SFRP1: variants seen among roughly 807,000 people sequenced by gnomAD.
The protein encoded by SFRP1 is secreted frizzled related protein 1.
A neutral mutation model predicts 25.9 loss-of-function variants in SFRP1; 9 were observed. The ratio of observed to expected loss-of-function variants is 0.35; its 90% confidence interval spans 0.21 to 0.61. The LOEUF (loss-of-function observed/expected upper bound fraction) is 0.61. SFRP1 is among the 20% of genes least tolerant of loss of function. The probability of loss-of-function intolerance (pLI) is 0.78; values close to 1 mark genes in which losing one functional copy is unlikely to be tolerated. For synonymous variants in SFRP1, 178 were observed against 174.0 expected, an observed-to-expected ratio of 1.02 and a Z score of -0.18; for missense variants, 346 against 418.2, an observed-to-expected ratio of 0.83 and a Z score of 1.51.
At chr8:41,303,084 G>A (rs372920738) in intron 2 of SFRP1, among the ~76,000 whole-genome samples, 52 of 149,464 alleles carry the variant, frequency 3.5e-4, no homozygotes, top group Middle Eastern at 3.5e-3. Context: ...GAGCCAGTCC[G>A]GAAAAAACCG....
intron 2 of SFRP1, among the ~76,000 whole-genome samples, chr8:41,295,204 T>C (rs1428301134): frequency 6.6e-6 from 1 of 151,880 alleles, no homozygotes; most frequent in Non-Finnish European, 1.5e-5. Flanking sequence ...CTACTAAAAA[T>C]ACAAAAATTA....
In SFRP1 at chr8:41,303,452, C is replaced by T; in HGVS notation, c.622+9G>A. The T allele has an allele frequency of 6.2e-7, 1 of 1,612,266 alleles. No individual in the cohort carries two copies. Among genetic ancestry groups the T allele is most frequent in the Non-Finnish European group, 8.5e-7 (1 of 1,178,520 alleles). On this transcript the variant is annotated intron_variant, in intron 2 of 2. Coordinates refer to ENST00000220772, the MANE Select transcript of SFRP1 (RefSeq NM_003012.5). Reference sequence around the variant, plus strand: ...AACCTTCCAGAGGCAGCTAGAAACGCTTTCTTACCAAACTCGCTGGCACAG... The same window carrying T: ...AACCTTCCAGAGGCAGCTAGAAACGTTTTCTTACCAAACTCGCTGGCACAG...
intron 2 of SFRP1, among the ~76,000 whole-genome samples, chr8:41,290,088 C>T (rs951586745): frequency 6.6e-6 from 1 of 152,236 alleles, no homozygotes; most frequent in Admixed American, 6.5e-5. Context: ...CACACACTAC[C>T]CACATCTGTC....
chr8:41,263,163 CTT>C lies in SFRP1; in HGVS notation c.*2002_*2003del, dbSNP rs375614708. 1.3e-5 allele frequency: 2 copies of C among 152,774 alleles called. No homozygotes were observed. The highest frequency in any genetic ancestry group is 1.9e-4 in the East Asian group (1 of 5,182). The allele number at this position is 152,774 out of a possible 1,614,324, so 9.5% of individuals were successfully genotyped here. On this transcript the variant is annotated 3_prime_UTR_variant, in exon 3 of 3. Coordinates refer to ENST00000220772, the MANE Select transcript of SFRP1 (RefSeq NM_003012.5). The stretch of plus-strand genomic sequence containing the variant: ...AGCAGATACGTATGAGCACTGAACT[CTT>C]GAGTGAATCAACCAGAACTAAGACC...
At position 41,263,451 on chromosome 8, in the gene SFRP1, C is replaced by T. The variant is rs1363692903; in HGVS notation, c.*1716G>A. On this transcript the variant is annotated 3_prime_UTR_variant, in exon 3 of 3. Coordinates refer to ENST00000220772, the MANE Select transcript of SFRP1 (RefSeq NM_003012.5). ...GTAACTAGGCGGGCATGCTGATTTT[C>T]ATACTGGAGTCTTCAAGAGTTAACA... The T allele has an allele frequency of 3.9e-5, 6 of 152,182 alleles. No individual in the cohort carries two copies. Among genetic ancestry groups the T allele is most frequent in the African/African-American group, 1.4e-4 (6 of 41,446 alleles). The allele number at this position is 152,182 out of a possible 1,614,324, so 9.4% of individuals were successfully genotyped here. A position where few individuals can be genotyped will look rare whatever the true frequency, so the allele number is the denominator to read the frequency against.
intron 2 of SFRP1, among the ~76,000 whole-genome samples, chr8:41,280,146 A>C (rs4736802): frequency 2.6e-5 from 4 of 152,042 alleles, no homozygotes; most frequent in Non-Finnish European, 5.9e-5. Flanking sequence ...AGTCCAGGGG[A>C]GTGCAGGGGG....
rs776013504 is a variant in SFRP1, at chr8:41,306,878, G to A, written c.544+1738C>T. 1.8e-5 allele frequency: 29 copies of A among 1,594,938 alleles called. No homozygotes were observed. The Admixed American group carries it at 2.5e-4, about 14-fold the overall frequency. On this transcript the variant is annotated intron_variant, in intron 1 of 2. Transcript: ENST00000220772. ...CCCATCACAGCCTTTTGGGGGCTGGGGTGAGGGATTCTTTCCTCTCTTCTT... is the reference window on the plus strand; with the variant it reads ...CCCATCACAGCCTTTTGGGGGCTGGAGTGAGGGATTCTTTCCTCTCTTCTT...
chr8:41,299,087 C>T lies in SFRP1; in HGVS notation c.622+4374G>A, dbSNP rs371324979. 3.4e-3 allele frequency among the ~76,000 whole-genome samples: 514 copies of T among 152,142 alleles called. 3 individuals carry two copies. Among genetic ancestry groups the T allele is most frequent in the African/African-American group, 0.012 (497 of 41,480 alleles). On this transcript the variant is annotated intron_variant, in intron 2 of 2. Transcript: ENST00000220772. ...ACTGGCTCGGCCTCCATCTCTTCACCGCCTACCCCCCCAACCCCCCACCTC... is the reference window on the plus strand; with the variant it reads ...ACTGGCTCGGCCTCCATCTCTTCACTGCCTACCCCCCCAACCCCCCACCTC...
At chr8:41,304,110 G>A (rs1000132818) in intron 1 of SFRP1, among the ~76,000 whole-genome samples, 2 of 151,988 alleles carry the variant, frequency 1.3e-5, no homozygotes, top group African/African-American at 4.8e-5. Flanking sequence ...AGGCGGGCGG[G>A]GTGGGGCACT....
chr8:41,304,142 G>A (rs893421935), intron 1 of SFRP1, among the ~76,000 whole-genome samples: 1 of 152,108 alleles, frequency 6.6e-6, no homozygotes, highest in Non-Finnish European at 1.5e-5. Context: ...CCAAATGGGA[G>A]GACAGGGCTG....
intron 2 of SFRP1, among the ~76,000 whole-genome samples, chr8:41,284,822 T>C (rs1803678379): frequency 6.6e-6 from 1 of 152,230 alleles, no homozygotes; most frequent in Admixed American, 6.5e-5. Flanking sequence ...TAACATGGCC[T>C]GCCATCATGG....
chr8:41,284,025 C>T (rs1313001431), intron 2 of SFRP1, among the ~76,000 whole-genome samples: 1 of 152,162 alleles, frequency 6.6e-6, no homozygotes, highest in Non-Finnish European at 1.5e-5. Flanking sequence ...CCTACAGCTC[C>T]CACCAGCATT....
Position 41,265,179 on chromosome 8 carries a change from G to T in SFRP1, c.933C>A (p.Ser311=), listed in dbSNP as rs374221535. ...GCCCCCGGGAGAATCACTTAAACAC[G>T]GACTGAAAGGTGGGGCACTCATGGT... is the stretch of plus-strand genomic sequence containing the variant. ...MKNHECPTFQ[S]VFK The change falls in exon 3 of 3, where the codon TCC becomes TCA. Residue 311 remains serine, a synonymous_variant. Coordinates refer to ENST00000220772, the MANE Select transcript of SFRP1 (RefSeq NM_003012.5). 3.2e-6 allele frequency: 4 copies of T among 1,237,284 alleles called. No homozygotes were observed. In the South Asian group the frequency reaches 4.0e-5, roughly 12 times the overall value. The allele number at this position is 1,237,284 out of a possible 1,614,324, so 76.6% of individuals were successfully genotyped here. A position where few individuals can be genotyped will look rare whatever the true frequency, so the allele number is the denominator to read the frequency against.
At chr8:41,306,736 G>A in intron 1 of SFRP1, 1 of 1,598,004 alleles carries the variant, frequency 6.3e-7, no homozygotes, top group Non-Finnish European at 8.5e-7. Context: ...GCGCTGCTGG[G>A]AGGAGTGGAG....
intron 2 of SFRP1, among the ~76,000 whole-genome samples, chr8:41,268,818 G>A (rs1008860059): frequency 6.6e-5 from 10 of 152,184 alleles, no homozygotes; most frequent in Non-Finnish European, 1.0e-4. Context: ...AGAGCAGCCC[G>A]GAACTGATCA....
At chr8:41,302,437 A>G (rs891493702) in intron 2 of SFRP1, among the ~76,000 whole-genome samples, 1 of 152,216 alleles carries the variant, frequency 6.6e-6, no homozygotes, top group African/African-American at 2.4e-5. Context: ...CGATTAATGA[A>G]AACATGGACT....
rs1803405579 is a variant in SFRP1, at chr8:41,264,120, T to G, written c.*1047A>C. On this transcript the variant is annotated 3_prime_UTR_variant, in exon 3 of 3. Coordinates refer to ENST00000220772, the MANE Select transcript of SFRP1 (RefSeq NM_003012.5). The stretch of plus-strand genomic sequence containing the variant: ...CCTCTGGGAAGCAGCCTCGGACGGA[T>G]CAGGAGACCTTGTTCTAGCACACCT... 1 of 152,210 alleles carries G rather than the reference T, an allele frequency of 6.6e-6. No individual in the cohort carries two copies. The highest frequency in any genetic ancestry group is 1.5e-5 in the Non-Finnish European group (1 of 68,042). 9.4% of individuals were successfully genotyped at this position (152,210 alleles called of 1,614,324 possible).
At chr8:41,288,673 CTG>C (rs1201912660) in intron 2 of SFRP1, among the ~76,000 whole-genome samples, 1 of 150,702 alleles carries the variant, frequency 6.6e-6, no homozygotes, top group Non-Finnish European at 1.5e-5. Flanking sequence ...AATGAGAAAA[CTG>C]TGGTTCCAAG....
At chr8:41,271,765 G>C (rs1803511127) in intron 2 of SFRP1, among the ~76,000 whole-genome samples, 1 of 151,826 alleles carries the variant, frequency 6.6e-6, no homozygotes, top group African/African-American at 2.4e-5. Context: ...AAGAGTTAGA[G>C]ACCAGCCTGG....
Sources: gnomAD v4.1 joint callset for allele counts (sites outside exome capture counted in the v4.1 genomes callset) on GRCh38, gnomAD v4.1.1 for gene constraint, MANE v1.5 for transcripts, NCBI Gene and HGNC (gene_info 2026-07-23, HGNC 2026-07-21) for gene names.